The following CR1 variants were observed in gnomAD, a reference collection of about 807,000 sequenced individuals.
CR1 encodes complement C3b/C4b receptor 1 (Knops blood group).
In CR1, 116 loss-of-function variants were observed where a neutral mutation model predicts 187.3. The observed-to-expected ratio is 0.62, with a 90% CI of 0.53 to 0.72. The LOEUF (loss-of-function observed/expected upper bound fraction) is 0.72, where lower values mean the gene tolerates loss of function less well. Among genes scored for constraint, CR1 ranks in the 30% least tolerant of loss-of-function variants. The pLI is 0.00. For synonymous variants in CR1, 576 were observed against 747.1 expected (o/e 0.77, Z 3.73); for missense variants, 1,731 against 2,110.7 (o/e 0.82, Z 3.52).
intron 32 of CR1, among the ~76,000 whole-genome samples, chr1:207,584,440 A>C (rs894144905): frequency 3.9e-5 from 6 of 152,200 alleles, no homozygotes; most frequent in Non-Finnish European, 5.9e-5. Context: ...AATTTGGGAA[A>C]GGCTTTTGTA....
chr1:207,573,013 C>T (rs980861300), intron 27 of CR1, among the ~76,000 whole-genome samples: 7 of 152,152 alleles, frequency 4.6e-5, no homozygotes, highest in African/African-American at 1.7e-4. Context: ...AACTTGATTG[C>T]GTCTGCAAAG....
chr1:207,587,463 A>G lies in CR1; in HGVS notation c.5608A>G (p.Thr1870Ala). 1 of 1,613,956 alleles carries G rather than the reference A, an allele frequency of 6.2e-7. No individual in the cohort carries two copies. The highest frequency in any genetic ancestry group is 1.3e-5 in the African/African-American group (1 of 75,052). Residue 1870 changes from threonine (T) to alanine (A), a missense_variant, in exon 34 of 47, where the codon ACA (threonine) becomes GCA (alanine). Coordinates refer to ENST00000367049, the MANE Select transcript of CR1 (RefSeq NM_000651.6). ...TAATGACTTTGAGTTTCCAGTCGGG[A>G]CATCTTTGAATTATGAATGCCGTCC... ...PINDFEFPVG[T>A]SLNYECRPGY...
chr1:207,512,220 A>G (rs562891909), intron 4 of CR1, among the ~76,000 whole-genome samples: 10 of 152,346 alleles, frequency 6.6e-5, no homozygotes, highest in Non-Finnish European at 1.5e-4. Context: ...GAGTAACCTA[A>G]ATATTTTAAA....
At chr1:207,593,363 T>G (rs6672474) in intron 35 of CR1, among the ~76,000 whole-genome samples, 33,309 of 152,124 alleles carry the variant, frequency 0.22, 3,879 homozygotes, top group South Asian at 0.44. Context: ...GGGGAAAGGA[T>G]TCCCTATTTA....
rs61034679 is a variant in CR1, at chr1:207,518,648, C to T, written c.488-4963C>T. ...CTTCCTTCCAGTGGCTGCTGGCAAT[C>T]GTTGATGTTCCTTGGCTTGTAGATG... is the stretch of plus-strand genomic sequence containing the variant. On this transcript the variant is annotated intron_variant, in intron 4 of 46. Transcript: ENST00000367049. 7.7e-3 allele frequency among the ~76,000 whole-genome samples: 1,170 copies of T among 152,300 alleles called. 15 individuals carry two copies. The highest frequency in any genetic ancestry group is 0.026 in the African/African-American group (1,097 of 41,558).
intron 41 of CR1, among the ~76,000 whole-genome samples, chr1:207,617,507 A>ATCTG: frequency 2.1e-5 from 1 of 47,030 alleles, no homozygotes; most frequent in Admixed American, 3.0e-4. Context: ...ATATATATAT[A>ATCTG]TGTGTGTGTG....
At chr1:207,585,100 T>TG (rs1451098597) in intron 33 of CR1, among the ~76,000 whole-genome samples, 1 of 150,804 alleles carries the variant, frequency 6.6e-6, no homozygotes, top group Non-Finnish European at 1.5e-5. Flanking sequence ...TGGAAGAGGG[T>TG]GGGAAAAAGG....
At chr1:207,580,093 GC>G in intron 29 of CR1, 146 bp from the exon 30 acceptor site, 2 of 1,129,400 alleles carry the variant, frequency 1.8e-6, no homozygotes, top group South Asian at 3.2e-5. Flanking sequence ...AATACCTCAT[GC>G]CCTGTAGATT....
At chr1:207,619,376 C>CAAAAAAAAAAAAA (rs67078800) in intron 42 of CR1, among the ~76,000 whole-genome samples, 2 of 92,648 alleles carry the variant, frequency 2.2e-5, no homozygotes, top group African/African-American at 4.3e-5. Flanking sequence ...CAGTGAGACT[C>CAAAAAAAAAAAAA]AAAAAAAAAA....
At chr1:207,501,126 C>T (rs1202308804) in intron 1 of CR1, among the ~76,000 whole-genome samples, 3 of 152,136 alleles carry the variant, frequency 2.0e-5, no homozygotes, top group Admixed American at 6.5e-5. Flanking sequence ...TGAGTTATTT[C>T]CTTTATATGA....
chr1:207,564,449 T>G (rs1660422844), intron 23 of CR1, among the ~76,000 whole-genome samples: 1 of 150,072 alleles, frequency 6.7e-6, no homozygotes, highest in Non-Finnish European at 1.5e-5. Context: ...ATATATTAAC[T>G]GGCAAGTTCA....
intron 3 of CR1, among the ~76,000 whole-genome samples, chr1:207,509,449 C>T (rs889407287): frequency 7.0e-6 from 1 of 142,858 alleles, no homozygotes; most frequent in African/African-American, 2.6e-5. Context: ...GCCTTACTTC[C>T]TCCAAACATT....
At chr1:207,576,134 G>A (rs1660737297) in intron 28 of CR1, among the ~76,000 whole-genome samples, 1 of 152,208 alleles carries the variant, frequency 6.6e-6, no homozygotes, top group South Asian at 2.1e-4. Flanking sequence ...TTGTTTGGAA[G>A]ATGAGCTTTC....
intron 24 of CR1, among the ~76,000 whole-genome samples, chr1:207,567,468 C>T (rs183107332): frequency 6.7e-6 from 1 of 150,224 alleles, no homozygotes; most frequent in East Asian, 1.9e-4. Context: ...CCCCAGGATC[C>T]TGATGAAGGG....
At chr1:207,594,325 C>A (rs906162715) in intron 35 of CR1, among the ~76,000 whole-genome samples, 2 of 152,044 alleles carry the variant, frequency 1.3e-5, no homozygotes, top group African/African-American at 2.4e-5. Flanking sequence ...AAGCTAGAAA[C>A]CATCATTCTC....
chr1:207,515,255 ATATACG>A lies in CR1; in HGVS notation c.487+3613_487+3618del, dbSNP rs1571508741. On this transcript the variant is annotated intron_variant, in intron 4 of 46. Transcript: ENST00000367049. ...TATATATACATATACATATATAGGT[ATATACG>A]TATACGTATACATATATAGGTATAT... Among the ~76,000 whole-genome samples, 12 of 148,042 alleles carry A rather than the reference ATATACG, an allele frequency of 8.1e-5. No homozygotes were observed. In the Admixed American group the frequency reaches 8.1e-4, roughly 10 times the overall value.
chr1:207,634,673 T>C (rs1662757136), intron 46 of CR1, among the ~76,000 whole-genome samples: 2 of 152,104 alleles, frequency 1.3e-5, no homozygotes, highest in African/African-American at 4.8e-5. Context: ...AAGGACACCA[T>C]TCCCGGCCTT....
Position 207,634,717 on chromosome 1 carries a change from C to T in CR1, c.7457+4096C>T, listed in dbSNP as rs56244519. 4.4e-3 allele frequency among the ~76,000 whole-genome samples: 669 copies of T among 152,214 alleles called. 5 individuals carry two copies. The highest frequency in any genetic ancestry group is 8.5e-3 in the South Asian group (41 of 4,820). ...ACGCTTCAGCACGGCTGGGGAAGCA[C>T]GTGGATACCTTGTACTAAATCCACT... On this transcript the variant is annotated intron_variant, in intron 46 of 46. Transcript: ENST00000367049.
intron 35 of CR1, among the ~76,000 whole-genome samples, chr1:207,605,435 TATATC>T (rs911624132): frequency 1.3e-5 from 2 of 151,974 alleles, no homozygotes; most frequent in Admixed American, 1.3e-4. Context: ...AACAGAAACA[TATATC>T]AAAACACCAC....
Sources: gnomAD v4.1 joint callset for allele counts (sites outside exome capture counted in the v4.1 genomes callset) on GRCh38, gnomAD v4.1.1 for gene constraint, MANE v1.5 for transcripts, NCBI Gene and HGNC (gene_info 2026-07-23, HGNC 2026-07-21) for gene names.